The following CDH13 variants were observed in gnomAD, a reference collection of about 807,000 sequenced individuals.
CDH13 encodes cadherin 13.
CDH13 carries 24 observed loss-of-function variants against 63.8 expected under a neutral mutation model. The ratio of observed to expected loss-of-function variants is 0.38; its 90% CI spans 0.27 to 0.53. The LOEUF is 0.53. Among genes scored for constraint, CDH13 ranks in the 20% least tolerant of loss-of-function variants. The pLI, the probability that CDH13 is intolerant of heterozygous loss-of-function variation, is 0.85. For missense variants in CDH13, 1,049 were observed against 903.1 expected (o/e 1.16, Z -2.07); for synonymous variants, 503 against 355.3 (o/e 1.42, Z -4.67).
intron 4 of CDH13, among the ~76,000 whole-genome samples, chr16:83,158,857 A>T (rs1305113084): frequency 6.6e-6 from 1 of 152,196 alleles, no homozygotes; most frequent in Non-Finnish European, 1.5e-5. Flanking sequence ...TGGAGCCATC[A>T]AATGCTGGGC....
Position 83,748,119 on chromosome 16 carries a change from A to G in CDH13, c.1550A>G (p.Tyr517Cys). ...GGGATTTTTTTCAGGTATTCTGTTTACAAGGACCCAGCAGGTTGGCTGAAT... is the reference window on the plus strand; with the variant it reads ...GGGATTTTTTTCAGGTATTCTGTTTGCAAGGACCCAGCAGGTTGGCTGAAT... ...LQHQTIRYSV[Y>C]KDPAGWLNIN... Residue 517 changes from tyrosine (Y) to cysteine (C), a missense_variant, in exon 11 of 14, where the codon TAC becomes TGC. Transcript: ENST00000567109. The G allele has an allele frequency of 6.2e-7, 1 of 1,613,870 alleles. No homozygotes were observed. Among genetic ancestry groups the G allele is most frequent in the Non-Finnish European group, 8.5e-7 (1 of 1,179,858 alleles).
intron 2 of CDH13, among the ~76,000 whole-genome samples, chr16:82,918,238 T>C (rs1206508320): frequency 1.3e-5 from 2 of 152,094 alleles, no homozygotes; most frequent in East Asian, 1.9e-4. Context: ...TCCAAGATAG[T>C]TGAGAAGATT....
At chr16:83,487,124 C>G (rs1027195812) in intron 7 of CDH13, among the ~76,000 whole-genome samples, 2 of 152,174 alleles carry the variant, frequency 1.3e-5, no homozygotes, top group Admixed American at 6.5e-5. Flanking sequence ...TTGAACCCCT[C>G]TCTTCCTCCA....
chr16:82,729,348 A>G (rs564541296), intron 1 of CDH13, among the ~76,000 whole-genome samples: 73 of 152,322 alleles, frequency 4.8e-4, no homozygotes, highest in African/African-American at 1.7e-3. Flanking sequence ...ATAAGACTTG[A>G]AAGTTGAAGT....
chr16:83,786,079 C>T (rs536996912), intron 13 of CDH13, among the ~76,000 whole-genome samples: 29 of 152,046 alleles, frequency 1.9e-4, no homozygotes, highest in Admixed American at 7.9e-4. Context: ...GAGGAGGGTA[C>T]GGTGAGATGA....
At chr16:83,779,872 C>A (rs1915397349) in intron 11 of CDH13, 96 bp from the exon 12 acceptor site, 1 of 809,926 alleles carries the variant, frequency 1.2e-6, no homozygotes, top group Non-Finnish European at 1.9e-6. Flanking sequence ...AATAAAATAA[C>A]TGCAAAATAT....
chr16:82,950,178 G>A (rs1171698175), intron 2 of CDH13, among the ~76,000 whole-genome samples: 3 of 152,118 alleles, frequency 2.0e-5, no homozygotes, highest in East Asian at 3.9e-4. Flanking sequence ...AGGGCTGTGA[G>A]GGGAATCTGT....
intron 11 of CDH13, among the ~76,000 whole-genome samples, chr16:83,771,741 G>T (rs934069552): frequency 1.3e-5 from 2 of 152,194 alleles, no homozygotes; most frequent in African/African-American, 4.8e-5. Flanking sequence ...CACTGAAAAT[G>T]GGTCGGAAGG....
intron 2 of CDH13, among the ~76,000 whole-genome samples, chr16:82,942,365 T>C (rs1373427232): frequency 6.6e-6 from 1 of 152,220 alleles, no homozygotes; most frequent in Non-Finnish European, 1.5e-5. Flanking sequence ...GTCTTTATAT[T>C]TAACCTTGTG....
chr16:83,066,366 A>G (rs761224239), intron 3 of CDH13, among the ~76,000 whole-genome samples: 7 of 152,152 alleles, frequency 4.6e-5, no homozygotes, highest in Non-Finnish European at 1.0e-4. Context: ...AGGCTTCCCA[A>G]GATGTGAGAC....
chr16:82,812,094 A>T (rs954081610), intron 1 of CDH13, among the ~76,000 whole-genome samples: 2 of 152,106 alleles, frequency 1.3e-5, no homozygotes, highest in African/African-American at 4.8e-5. Flanking sequence ...CTTTGTCTCT[A>T]TGTATTCACA....
chr16:82,961,795 AG>A (rs929524488), intron 2 of CDH13, among the ~76,000 whole-genome samples: 6 of 152,130 alleles, frequency 3.9e-5, no homozygotes, highest in Non-Finnish European at 7.4e-5. Context: ...AGAGGATAAA[AG>A]GAAATGTCTG....
chr16:83,287,120 T>C (rs1399886631), intron 5 of CDH13, among the ~76,000 whole-genome samples: 1 of 152,172 alleles, frequency 6.6e-6, no homozygotes, highest in Non-Finnish European at 1.5e-5. Context: ...TTATAGGCCA[T>C]GTTCATTCTG....
At chr16:82,737,483 T>C (rs575730295) in intron 1 of CDH13, among the ~76,000 whole-genome samples, 2 of 151,760 alleles carry the variant, frequency 1.3e-5, no homozygotes, top group South Asian at 4.1e-4. Flanking sequence ...CTCCTTAGTG[T>C]GGAAGAGAGG....
At chr16:83,491,419 A>G (rs1314536528) in intron 7 of CDH13, among the ~76,000 whole-genome samples, 4 of 152,220 alleles carry the variant, frequency 2.6e-5, no homozygotes, top group African/African-American at 9.6e-5. Flanking sequence ...TGCACTACAA[A>G]ATAAAATCAG....
At chr16:82,861,661 A>G (rs757526816) in intron 2 of CDH13, among the ~76,000 whole-genome samples, 14 of 151,996 alleles carry the variant, frequency 9.2e-5, no homozygotes, top group Non-Finnish European at 1.5e-4. Flanking sequence ...CTAATATTTT[A>G]TTCACTGTTA....
chr16:83,586,386 C>T (rs1328393979), intron 7 of CDH13, among the ~76,000 whole-genome samples: 4 of 152,146 alleles, frequency 2.6e-5, no homozygotes, highest in Non-Finnish European at 4.4e-5. Flanking sequence ...GCAGAGACTC[C>T]GTTTATTGTT....
chr16:83,355,593 T>C (rs2091035989), intron 6 of CDH13, among the ~76,000 whole-genome samples: 1 of 152,250 alleles, frequency 6.6e-6, no homozygotes, highest in Non-Finnish European at 1.5e-5. Context: ...AATGGTTGTA[T>C]TTATTGAAAA....
chr16:83,506,825 T>C (rs138699974), intron 7 of CDH13, among the ~76,000 whole-genome samples: 4 of 152,200 alleles, frequency 2.6e-5, no homozygotes, highest in African/African-American at 9.6e-5. Context: ...CACCTACTAA[T>C]AGCCAGCATC....
Sources: gnomAD v4.1 joint callset for allele counts (sites outside exome capture counted in the v4.1 genomes callset) on GRCh38, gnomAD v4.1.1 for gene constraint, MANE v1.5 for transcripts, NCBI Gene and HGNC (gene_info 2026-07-23, HGNC 2026-07-21) for gene names.